Variants in PAX8 observed in about 807,000 individuals in gnomAD.
PAX8 encodes the protein paired box 8.
PAX8 carries 15 observed loss-of-function variants against 52.4 expected under a neutral mutation model. The ratio of observed to expected loss-of-function variants is 0.29; its 90% CI spans 0.19 to 0.44. The LOEUF (loss-of-function observed/expected upper bound fraction) is 0.44. Ranked by LOEUF, PAX8 falls within the 20% of genes least tolerant of loss-of-function variation. The pLI is 1.00. For synonymous variants in PAX8, 284 were observed against 249.7 expected (o/e 1.14, Z -1.29); for missense variants, 554 against 602.5 (o/e 0.92, Z 0.84).
In PAX8 at chr2:113,218,620, T is replaced by TA. The variant is rs754188072; in HGVS notation, c.1277-12dup. 9,166 of 1,397,172 alleles carry TA rather than the reference T, an allele frequency of 6.6e-3. No homozygotes were observed. The highest frequency in any genetic ancestry group is 7.2e-3 in the Non-Finnish European group (7,442 of 1,032,064). 86.5% of individuals were successfully genotyped at this position (1,397,172 alleles called of 1,614,324 possible). On this transcript the variant is annotated splice_polypyrimidine_tract_variant and intron_variant, in intron 11 of 11. Coordinates refer to ENST00000429538, the MANE Select transcript of PAX8 (RefSeq NM_003466.4). ...AATAATATGGGGAACCTGGACACATTAAAAAAAAATAACAACAACACTGCT... is the reference window on the plus strand; with the variant it reads ...AATAATATGGGGAACCTGGACACATTAAAAAAAAAATAACAACAACACTGCT...
In PAX8 at chr2:113,217,604, G is replaced by A. The variant is rs926322386; in HGVS notation, c.*929C>T. 3.9e-5 allele frequency: 9 copies of A among 230,916 alleles called. No individual in the cohort carries two copies. The highest frequency in any genetic ancestry group is 1.8e-4 in the African/African-American group (8 of 45,164). The allele number at this position is 230,916 out of a possible 1,614,324, so 14.3% of individuals were successfully genotyped here. On this transcript the variant is annotated 3_prime_UTR_variant, in exon 12 of 12. Transcript: ENST00000429538. Reference sequence around the variant, plus strand: ...GGACCCTCTATCGCTGGCTTCAGGGGGTGCCTTGGGTCCCTTCAGTAGCTG... The same window carrying A: ...GGACCCTCTATCGCTGGCTTCAGGGAGTGCCTTGGGTCCCTTCAGTAGCTG...
Position 113,246,719 on chromosome 2 carries a change from C to CG in PAX8, c.191+34dup, listed in dbSNP as rs765586207. 11 of 1,604,930 alleles carry CG rather than the reference C, an allele frequency of 6.9e-6. No individual in the cohort carries two copies. In the South Asian group the frequency reaches 1.1e-4, roughly 16 times the overall value. On this transcript the variant is annotated intron_variant, in intron 3 of 11. Transcript: ENST00000429538. ...GATCAGCTGGAGAAGTCAAGCCCTG[C>CG]GGGGAAGGCGGCCTGCGGTGAATTT...
chr2:113,278,677 A>T, intron 1 of PAX8, 154 bp downstream of exon 1: 1 of 628,412 alleles, frequency 1.6e-6, no homozygotes, highest in African/African-American at 1.9e-5. Context: ...GAAGCTCCAG[A>T]CTCCAACCTC....
chr2:113,278,638 G>C lies in PAX8; in HGVS notation c.-75-169C>G, dbSNP rs536673044. The C allele has an allele frequency of 4.2e-4, 288 of 690,662 alleles. 1 individual carries two copies. Among genetic ancestry groups the C allele is most frequent in the South Asian group, 2.7e-3 (135 of 49,974 alleles). 42.8% of individuals were successfully genotyped at this position (690,662 alleles called of 1,614,324 possible). On this transcript the variant is annotated intron_variant, in intron 1 of 11. Coordinates refer to ENST00000429538, the MANE Select transcript of PAX8 (RefSeq NM_003466.4). ...CCTAGCCTAGCTAACAGGCTTCCCG[G>C]GAGGATCAAGGATTGGGAGTGCGCT...
intron 7 of PAX8, chr2:113,237,169 T>C (rs78978662): frequency 0.043 from 6,826 of 159,476 alleles, 250 homozygotes; most frequent in South Asian, 0.15. Flanking sequence ...CACTTCCAGA[T>C]GGGCCAAAGA....
intron 4 of PAX8, among the ~76,000 whole-genome samples, chr2:113,243,453 G>A (rs185762846): frequency 1.2e-4 from 18 of 151,694 alleles, no homozygotes; most frequent in African/African-American, 2.9e-4. Flanking sequence ...GTCCAGTGGC[G>A]TGATCTCAGC....
intron 2 of PAX8, chr2:113,276,690 G>C (rs767952906): frequency 5.9e-5 from 9 of 151,962 alleles, no homozygotes; most frequent in African/African-American, 2.4e-5. Flanking sequence ...TCTGAGGGAC[G>C]GGGACATCGT....
Position 113,218,028 on chromosome 2 carries a change from G to A in PAX8, c.*505C>T, listed in dbSNP as rs971591792. 8.6e-6 allele frequency: 2 copies of A among 233,834 alleles called. No homozygotes were observed. Among genetic ancestry groups the A allele is most frequent in the African/African-American group, 2.2e-5 (1 of 45,366 alleles). 14.5% of individuals were successfully genotyped at this position (233,834 alleles called of 1,614,324 possible). A position where few individuals can be genotyped will look rare whatever the true frequency, so the allele number is the denominator to read the frequency against. ...CTCCGTGTGGGGCAGGCGGGAGGCT[G>A]AGGGAGGTGACTCCCTGGGTGGCTG... On this transcript the variant is annotated 3_prime_UTR_variant, in exon 12 of 12. Coordinates refer to ENST00000429538, the MANE Select transcript of PAX8 (RefSeq NM_003466.4).
intron 6 of PAX8, 132 bp from the exon 7 acceptor site, chr2:113,241,858 C>A: frequency 7.0e-7 from 1 of 1,435,334 alleles, no homozygotes; most frequent in African/African-American, 1.4e-5. Context: ...GGCCCAGGAG[C>A]CTTGGCCAAC....
rs546741632 is a variant in PAX8, at chr2:113,277,505, C to G, written c.25+865G>C. Among the ~76,000 whole-genome samples the G allele has an allele frequency of 6.1e-4, 93 of 152,334 alleles. No individual in the cohort carries two copies. In the Middle Eastern group the frequency reaches 0.01, roughly 17 times the overall value. ...TCGCCGGCCCAAATCGATAGCGATG[C>G]GCCCTGGCCCCATAAATCGCCTTCT... On this transcript the variant is annotated intron_variant, in intron 2 of 11. Transcript: ENST00000429538.
chr2:113,233,990 C>T (rs1690078058), intron 9 of PAX8, among the ~76,000 whole-genome samples: 1 of 152,240 alleles, frequency 6.6e-6, no homozygotes, highest in South Asian at 2.1e-4. Context: ...CTGGTCTCTG[C>T]TCCAGCATTT....
At chr2:113,235,633 A>T in intron 8 of PAX8, 51 bp from the exon 9 acceptor site, 1 of 1,467,924 alleles carries the variant, frequency 6.8e-7, no homozygotes, top group Non-Finnish European at 9.3e-7. Flanking sequence ...GATGGCGGGG[A>T]GGGAACACGC....
At chr2:113,252,445 C>T (rs920150924) in intron 2 of PAX8, among the ~76,000 whole-genome samples, 37 of 152,210 alleles carry the variant, frequency 2.4e-4, no homozygotes, top group Non-Finnish European at 5.3e-4. Context: ...GTGCCTCCAA[C>T]TGCTCCTGAA....
At chr2:113,227,038 C>G in intron 10 of PAX8, 117 bp downstream of exon 10, 1 of 1,534,472 alleles carries the variant, frequency 6.5e-7, no homozygotes, top group Non-Finnish European at 8.7e-7. Flanking sequence ...GTCCATCCTT[C>G]AATGCCCTTT....
At chr2:113,231,864 G>A (rs1689917278) in intron 9 of PAX8, among the ~76,000 whole-genome samples, 1 of 152,162 alleles carries the variant, frequency 6.6e-6, no homozygotes, top group Non-Finnish European at 1.5e-5. Context: ...GAGTAGCTGG[G>A]ATTACAGGCA....
intron 8 of PAX8, 189 bp from the exon 9 acceptor site, chr2:113,235,771 C>A (rs974832554): frequency 2.3e-5 from 13 of 571,580 alleles, no homozygotes; most frequent in Middle Eastern, 4.5e-4. Flanking sequence ...GAAGCTAGAC[C>A]TCCCTGCTGC....
At chr2:113,251,206 AGT>A (rs761754041) in intron 2 of PAX8, among the ~76,000 whole-genome samples, 1 of 152,142 alleles carries the variant, frequency 6.6e-6, no homozygotes, top group Non-Finnish European at 1.5e-5. Flanking sequence ...CTTCTGGGTG[AGT>A]CACCACCAAA....
At chr2:113,275,774 C>T (rs1693757531) in intron 2 of PAX8, 1 of 152,178 alleles carries the variant, frequency 6.6e-6, no homozygotes, top group African/African-American at 2.4e-5. Context: ...CCTGATGCAA[C>T]AAAAATAGCG....
Position 113,235,498 on chromosome 2 carries a change from G to C in PAX8, c.983C>G (p.Ala328Gly). ...SSTPSSLSSS[A>G]FLDLQQVGSG... The stretch of plus-strand genomic sequence containing the variant: ...GCCGACTTGCTGCAGATCCAAAAAG[G>C]CGGAGCTAGATAAAGAGGAAGGGGT... The change falls in exon 9 of 12, where the codon GCC becomes GGC. Residue 328 changes from alanine (A) to glycine (G), a missense_variant. This residue lies in a region of PAX8 where 445 missense variants were observed against 409.9 expected (regional missense o/e 1.09). Coordinates refer to ENST00000429538, the MANE Select transcript of PAX8 (RefSeq NM_003466.4). 1 of 1,613,956 alleles carries C rather than the reference G, an allele frequency of 6.2e-7. No homozygotes were observed. The highest frequency in any genetic ancestry group is 8.5e-7 in the Non-Finnish European group (1 of 1,179,852).
Sources: gnomAD v4.1 joint callset for allele counts (sites outside exome capture counted in the v4.1 genomes callset) on GRCh38, gnomAD v4.1.1 for gene constraint, gnomAD v4.1.1 regional missense constraint, MANE v1.5 for transcripts, NCBI Gene and HGNC (gene_info 2026-07-23, HGNC 2026-07-21) for gene names.